The following TMEM43 variants were observed in gnomAD, a reference collection of about 807,000 sequenced individuals.
The protein encoded by TMEM43 is arrhythmogenic right ventricular dysplasia 5.
A neutral mutation model predicts 49.6 loss-of-function variants in TMEM43; 45 were observed. The ratio of observed to expected loss-of-function variants is 0.91; its 90% CI spans 0.71 to 1.16. The LOEUF (loss-of-function observed/expected upper bound fraction) is 1.16, where lower values mean the gene tolerates loss of function less well. Among genes scored for constraint, TMEM43 ranks in the 50% most tolerant of loss-of-function variants. The probability of loss-of-function intolerance (pLI) is 0.00; values close to 1 mark genes in which losing one functional copy is unlikely to be tolerated. For missense variants in TMEM43, 532 were observed against 516.6 expected (o/e 1.03, Z -0.29); for synonymous variants, 199 against 207.8 (o/e 0.96, Z 0.36).
intron 11 of TMEM43, among the ~76,000 whole-genome samples, chr3:14,139,733 G>A (rs1695223566): frequency 6.6e-6 from 1 of 152,168 alleles, no homozygotes; most frequent in African/African-American, 2.4e-5. Flanking sequence ...TTTATGAAAT[G>A]TGGCAAATAG....
chr3:14,140,025 T>A (rs561969405), intron 11 of TMEM43, among the ~76,000 whole-genome samples: 6 of 152,326 alleles, frequency 3.9e-5, no homozygotes, highest in Non-Finnish European at 7.4e-5. Flanking sequence ...ATTGCATCAG[T>A]CTTCTCTGGG....
chr3:14,142,873 T>C lies in TMEM43; in HGVS notation c.*1078T>C, dbSNP rs867349396. ...TTAAAGAAACGATTAAGAGAAAAGG[T>C]TGGAAGCTTTATACTAAATGGGCTC... On this transcript the variant is annotated 3_prime_UTR_variant, in exon 12 of 12. Transcript: ENST00000306077. 5.9e-5 allele frequency: 9 copies of C among 152,294 alleles called. No homozygotes were observed. Among genetic ancestry groups the C allele is most frequent in the African/African-American group, 1.9e-4 (8 of 41,446 alleles). 9.4% of individuals were successfully genotyped at this position (152,294 alleles called of 1,614,324 possible). A position where few individuals can be genotyped will look rare whatever the true frequency, so the allele number is the denominator to read the frequency against.
At position 14,131,593 on chromosome 3, in the gene TMEM43, C is replaced by G. The variant is rs1695096105; in HGVS notation, c.311C>G (p.Pro104Arg). 1 of 1,613,986 alleles carries G rather than the reference C, an allele frequency of 6.2e-7. No homozygotes were observed. Among genetic ancestry groups the G allele is most frequent in the Non-Finnish European group, 8.5e-7 (1 of 1,180,002 alleles). Residue 104 changes from proline (P) to arginine (R), a missense_variant, in exon 4 of 12, where the codon CCA becomes CGA. By Grantham distance (103) the Pro-to-Arg change is moderately radical. Coordinates refer to ENST00000306077, the MANE Select transcript of TMEM43 (RefSeq NM_024334.3). ...TTCTGTTTGAAGCTTTTGTCTGATC[C>G]AAACTATGGGGTCCATCTTCCGGCT... ...ALRTSKLLSD[P>R]NYGVHLPAVK...
At position 14,125,214 on chromosome 3, in the gene TMEM43, C is replaced by A. The variant is rs1182883483; in HGVS notation, c.12+9C>A. 6.2e-7 allele frequency: 1 copy of A among 1,607,776 alleles called. No individual in the cohort carries two copies. Among genetic ancestry groups the A allele is most frequent in the Non-Finnish European group, 8.5e-7 (1 of 1,178,062 alleles). Reference sequence around the variant, plus strand: ...CCACCATGGCCGCGAATGTGAGTATCCCCGGGCCAGCCGGGCCACACCCAG... The same window carrying A: ...CCACCATGGCCGCGAATGTGAGTATACCCGGGCCAGCCGGGCCACACCCAG... On this transcript the variant is annotated intron_variant, in intron 1 of 11. Transcript: ENST00000306077.
Position 14,125,056 on chromosome 3 carries a change from T to G in TMEM43, c.-138T>G, listed in dbSNP as rs1342909115. On this transcript the variant is annotated 5_prime_UTR_variant, in exon 1 of 12. Coordinates refer to ENST00000306077, the MANE Select transcript of TMEM43 (RefSeq NM_024334.3). ...TGGGCACAGGGGGAGGTAACTGCAG[T>G]AAGTCCCGCTTGGCCCTGGAGTCCA... 1 of 1,130,496 alleles carries G rather than the reference T, an allele frequency of 8.8e-7. No individual in the cohort carries two copies. The allele number at this position is 1,130,496 out of a possible 1,614,324, so 70.0% of individuals were successfully genotyped here. A position where few individuals can be genotyped will look rare whatever the true frequency, so the allele number is the denominator to read the frequency against.
At chr3:14,133,446 A>G (rs1367384235) in intron 6 of TMEM43, among the ~76,000 whole-genome samples, 1 of 152,146 alleles carries the variant, frequency 6.6e-6, no homozygotes, top group East Asian at 1.9e-4. Context: ...TGAGGGGTGT[A>G]AAGTCCATGC....
In TMEM43 at chr3:14,134,831, T is replaced by C. The variant is rs370782259; in HGVS notation, c.645T>C (p.His215=). 2.5e-6 allele frequency: 4 copies of C among 1,614,168 alleles called. No individual in the cohort carries two copies. The highest frequency in any genetic ancestry group is 2.5e-6 in the Non-Finnish European group (3 of 1,180,016). Residue 215 remains histidine, a synonymous_variant, in exon 8 of 12, where the codon CAT becomes CAC. Coordinates refer to ENST00000306077, the MANE Select transcript of TMEM43 (RefSeq NM_024334.3). ...GCCTATCCAAGCTGGAGGACCCTCATGTGGACATCATTCGCCGTGGAGACT... is the reference window on the plus strand; with the variant it reads ...GCCTATCCAAGCTGGAGGACCCTCACGTGGACATCATTCGCCGTGGAGACT... ...SLSLSKLEDP[H]VDIIRRGDFF...
intron 3 of TMEM43, 46 bp from the exon 4 acceptor site, chr3:14,131,534 T>G: frequency 6.5e-7 from 1 of 1,548,214 alleles, no homozygotes; most frequent in Non-Finnish European, 8.9e-7. Context: ...TGGGCTGACG[T>G]GAATGTTATC....
intron 1 of TMEM43, chr3:14,128,933 C>T (rs1472030686): frequency 4.4e-6 from 2 of 456,328 alleles, no homozygotes; most frequent in Non-Finnish European, 8.8e-6. Flanking sequence ...AAATGGAATA[C>T]TACTCAGCCA....
Position 14,141,681 on chromosome 3 carries a change from C to T in TMEM43, c.1089C>T (p.Thr363=), listed in dbSNP as rs145094507. 24 of 1,614,070 alleles carry T rather than the reference C, an allele frequency of 1.5e-5. No homozygotes were observed. In the African/African-American group the frequency reaches 1.6e-4, roughly 11 times the overall value. The part of the protein sequence containing the change: ...FCVATSLTLL[T]VAAGWLFYRP... The stretch of plus-strand genomic sequence containing the variant: ...TGGCCACCTCGCTGACCCTGCTGAC[C>T]GTGGCGGCTGGCTGGCTCTTCTACC... The change falls in exon 12 of 12, where the codon ACC becomes ACT. Residue 363 remains threonine, a synonymous_variant. Transcript: ENST00000306077.
chr3:14,135,287 A>G, intron 9 of TMEM43, 55 bp downstream of exon 9: 1 of 1,454,362 alleles, frequency 6.9e-7, no homozygotes. Context: ...ACTTTCCTGG[A>G]CACAGACACC....
rs1695115690 is a variant in TMEM43 at position 14,132,869 on chromosome 3, C to T, written c.446C>T (p.Thr149Ile). The change falls in exon 6 of 12, where the codon ACT becomes ATT. Residue 149 changes from threonine to isoleucine, a missense_variant. Thr to Ile is a moderately conservative substitution (Grantham distance 89). Transcript: ENST00000306077. ...GTTGATTCCTCTCCCTGAGCAGACA[C>T]TGAATGGAGGTCAGAAATCATCAAC... ...VKKETRYSYN[T>I]EWRSEIINSK... 3.7e-6 allele frequency: 6 copies of T among 1,614,074 alleles called. No individual in the cohort carries two copies. Among genetic ancestry groups the T allele is most frequent in the Non-Finnish European group, 5.1e-6 (6 of 1,179,966 alleles).
intron 10 of TMEM43, 150 bp from the exon 11 acceptor site, chr3:14,139,030 G>GC (rs1695213610): frequency 1.5e-6 from 1 of 684,782 alleles, no homozygotes; most frequent in South Asian, 1.6e-5. Context: ...GAAGGACTTA[G>GC]CCCTATAGGA....
chr3:14,126,343 T>A (rs1014858052), intron 1 of TMEM43, among the ~76,000 whole-genome samples: 9 of 152,214 alleles, frequency 5.9e-5, no homozygotes, highest in Non-Finnish European at 8.8e-5. Context: ...GTATGTGGAC[T>A]CTTTGTCTGC....
Position 14,125,200 on chromosome 3 carries a change from G to A in TMEM43, c.7G>A (p.Ala3Thr). 4.3e-6 allele frequency: 7 copies of A among 1,609,974 alleles called. No homozygotes were observed. Among genetic ancestry groups the A allele is most frequent in the Admixed American group, 1.7e-5 (1 of 59,818 alleles). The change falls in exon 1 of 12, where the codon GCG becomes ACG. Residue 3 changes from alanine to threonine, a missense_variant. Coordinates refer to ENST00000306077, the MANE Select transcript of TMEM43 (RefSeq NM_024334.3). The stretch of plus-strand genomic sequence containing the variant: ...CAGCGAGCCGGGTCCCACCATGGCC[G>A]CGAATGTGAGTATCCCCGGGCCAGC... MA[A>T]NYSSTSTRRE... is the part of the protein sequence containing the mutation.
At position 14,127,004 on chromosome 3, in the gene TMEM43, C is replaced by A. The variant is rs550473346; in HGVS notation, c.12+1799C>A. 2.0e-5 allele frequency among the ~76,000 whole-genome samples: 3 copies of A among 152,252 alleles called. No individual in the cohort carries two copies. In the South Asian group the frequency reaches 6.2e-4, roughly 32 times the overall value. On this transcript the variant is annotated intron_variant, in intron 1 of 11. Coordinates refer to ENST00000306077, the MANE Select transcript of TMEM43 (RefSeq NM_024334.3). ...CGATTGGTGAACCTAGGCATCAAATCCAGTTCTGTCCATTTCCAGGGCCTA... is the reference window on the plus strand; with the variant it reads ...CGATTGGTGAACCTAGGCATCAAATACAGTTCTGTCCATTTCCAGGGCCTA...
At chr3:14,128,141 C>T (rs781777412) in intron 1 of TMEM43, among the ~76,000 whole-genome samples, 2 of 152,184 alleles carry the variant, frequency 1.3e-5, no homozygotes, top group Non-Finnish European at 2.9e-5. Flanking sequence ...CCCAAGACCC[C>T]GTAGCTGGTA....
Position 14,133,724 on chromosome 3 carries a change from T to A in TMEM43, c.513-15T>A, listed in dbSNP as rs1261870201. ...ACACCGGTGCCCATCTCTGACAGCT[T>A]CCTCTCTCCCACAGTGCCATGGCAG... On this transcript the variant is annotated splice_polypyrimidine_tract_variant and intron_variant, in intron 6 of 11. Transcript: ENST00000306077. 7.4e-6 allele frequency: 12 copies of A among 1,613,906 alleles called. No homozygotes were observed. Among genetic ancestry groups the A allele is most frequent in the Non-Finnish European group, 9.3e-6 (11 of 1,179,778 alleles).
At chr3:14,133,560 C>G (rs1341205120) in intron 6 of TMEM43, among the ~76,000 whole-genome samples, 179 bp from the exon 7 acceptor site, 2 of 152,112 alleles carry the variant, frequency 1.3e-5, no homozygotes, top group Non-Finnish European at 2.9e-5. Context: ...GGGTGCTCAG[C>G]CCAGGGGAGG....
Sources: gnomAD v4.1 joint callset for allele counts (sites outside exome capture counted in the v4.1 genomes callset) on GRCh38, gnomAD v4.1.1 for gene constraint, MANE v1.5 for transcripts, NCBI Gene and HGNC (gene_info 2026-07-23, HGNC 2026-07-21) for gene names.